RAB6A: variants seen among roughly 807,000 people sequenced by gnomAD.
The protein encoded by RAB6A is RAB6A, member RAS oncogene family.
A neutral mutation model predicts 32.3 loss-of-function variants in RAB6A; 8 were observed. That is an observed-to-expected ratio of 0.25 (90% CI 0.15 to 0.45). The LOEUF is 0.45. RAB6A is among the 20% of genes least tolerant of loss of function. The pLI, the probability that RAB6A is intolerant of heterozygous loss-of-function variation, is 1.00. For missense variants in RAB6A, 104 were observed against 249.4 expected, an observed-to-expected ratio of 0.42 and a Z score of 3.93; for synonymous variants, 73 against 82.1, an observed-to-expected ratio of 0.89 and a Z score of 0.60.
chr11:73,741,475 TC>T (rs557572401), intron 1 of RAB6A, among the ~76,000 whole-genome samples: 6 of 151,810 alleles, frequency 4.0e-5, no homozygotes, highest in African/African-American at 1.5e-4. Flanking sequence ...GCGACCATGC[TC>T]CTTGGTATTT....
chr11:73,721,485 A>G (rs1277751433), intron 2 of RAB6A, among the ~76,000 whole-genome samples: 2 of 152,180 alleles, frequency 1.3e-5, no homozygotes, highest in Non-Finnish European at 2.9e-5. Flanking sequence ...ACAAATGTAA[A>G]GTTCTATTGC....
chr11:73,733,299 AAC>A (rs1946345794), intron 1 of RAB6A, among the ~76,000 whole-genome samples: 4 of 152,172 alleles, frequency 2.6e-5, no homozygotes, highest in Admixed American at 2.6e-4. Context: ...CTGTAATCCC[AAC>A]ACTTTGGGAG....
rs946623808 is a variant in RAB6A at position 73,716,181 on chromosome 11, C to T, written c.401+70G>A. The T allele has an allele frequency of 5.0e-6, 6 of 1,210,576 alleles. No homozygotes were observed. In the African/African-American group the frequency reaches 6.1e-5, roughly 12 times the overall value. 75.0% of individuals were successfully genotyped at this position (1,210,576 alleles called of 1,614,324 possible). A position where few individuals can be genotyped will look rare whatever the true frequency, so the allele number is the denominator to read the frequency against. On this transcript the variant is annotated intron_variant, in intron 5 of 7. Coordinates refer to ENST00000336083, the MANE Select transcript of RAB6A (RefSeq NM_198896.2). ...AGCATGTCTCCTTTCAAAACAATTTCTCAGTGAACAAAAATAAAAGGCTGC... is the reference window on the plus strand; with the variant it reads ...AGCATGTCTCCTTTCAAAACAATTTTTCAGTGAACAAAAATAAAAGGCTGC...
rs186221019 is a variant in RAB6A at position 73,686,289 on chromosome 11, C to T, written c.496-6569G>A. Among the ~76,000 whole-genome samples the T allele has an allele frequency of 1.5e-3, 232 of 152,306 alleles. 1 individual carries two copies. The highest frequency in any genetic ancestry group is 5.4e-3 in the African/African-American group (225 of 41,566). ...ACCAGATTTAGGCTGGGTGCAGTGGCTCACGCCTGTAATCCCAGGACTTTG... is the reference window on the plus strand; with the variant it reads ...ACCAGATTTAGGCTGGGTGCAGTGGTTCACGCCTGTAATCCCAGGACTTTG... On this transcript the variant is annotated intron_variant, in intron 6 of 7. Coordinates refer to ENST00000336083, the MANE Select transcript of RAB6A (RefSeq NM_198896.2).
chr11:73,676,392 A>G lies in RAB6A; in HGVS notation c.*1506T>C, dbSNP rs1320745379. ...AAGATTAAAAGGGCACACTCCTAGT[A>G]TATTTGTTTGCAGTGTTTTAAGGGA... On this transcript the variant is annotated 3_prime_UTR_variant, in exon 8 of 8. Coordinates refer to ENST00000336083, the MANE Select transcript of RAB6A (RefSeq NM_198896.2). 3 of 166,996 alleles carry G rather than the reference A, an allele frequency of 1.8e-5. No individual in the cohort carries two copies. Among genetic ancestry groups the G allele is most frequent in the Admixed American group, 6.6e-5 (1 of 15,264 alleles). The allele number at this position is 166,996 out of a possible 1,614,324, so 10.3% of individuals were successfully genotyped here. A position where few individuals can be genotyped will look rare whatever the true frequency, so the allele number is the denominator to read the frequency against.
intron 6 of RAB6A, chr11:73,704,276 T>A: frequency 3.0e-6 from 1 of 336,502 alleles, no homozygotes; most frequent in Non-Finnish European, 6.0e-6. Flanking sequence ...CCAGCTATTC[T>A]GGAGGCTGAG....
At chr11:73,750,030 AT>A (rs933393494) in intron 1 of RAB6A, among the ~76,000 whole-genome samples, 6 of 152,048 alleles carry the variant, frequency 3.9e-5, no homozygotes, top group South Asian at 2.1e-4. Flanking sequence ...TTTAAAAAAT[AT>A]TTTTTTTAAA....
At chr11:73,749,670 T>A (rs571974122) in intron 1 of RAB6A, among the ~76,000 whole-genome samples, 1 of 152,266 alleles carries the variant, frequency 6.6e-6, no homozygotes, top group Non-Finnish European at 1.5e-5. Flanking sequence ...GAGACCACCC[T>A]GGTCAACAAA....
At chr11:73,732,894 C>T (rs766682695) in intron 1 of RAB6A, among the ~76,000 whole-genome samples, 1 of 151,914 alleles carries the variant, frequency 6.6e-6, no homozygotes, top group African/African-American at 2.4e-5. Context: ...CTCACTGCAA[C>T]GTCCACCTCC....
At chr11:73,704,108 C>CA in intron 6 of RAB6A, 1 of 290,068 alleles carries the variant, frequency 3.4e-6, no homozygotes, top group East Asian at 1.0e-4. Flanking sequence ...ATCGACCAGG[C>CA]AGAGGGGCTC....
rs192679839 is a variant in RAB6A, at chr11:73,755,500, C to T, written c.70+5066G>A. Reference sequence around the variant, plus strand: ...TAGAAACGGGGTTTCGCCATGTTGCCCAGGCTGGTCTCGAACCCCTGACCT... The same window carrying T: ...TAGAAACGGGGTTTCGCCATGTTGCTCAGGCTGGTCTCGAACCCCTGACCT... On this transcript the variant is annotated intron_variant, in intron 1 of 7. Transcript: ENST00000336083. 6.6e-5 allele frequency among the ~76,000 whole-genome samples: 10 copies of T among 152,236 alleles called. No homozygotes were observed. The East Asian group carries it at 1.9e-3, about 29-fold the overall frequency.
chr11:73,685,885 C>CAA (rs56270679), intron 6 of RAB6A, among the ~76,000 whole-genome samples: 128 of 102,946 alleles, frequency 1.2e-3, no homozygotes, highest in Non-Finnish European at 1.5e-3. Flanking sequence ...AACTCCGTCT[C>CAA]AAAAAAAAAA....
At chr11:73,721,312 G>A (rs1309440508) in intron 2 of RAB6A, among the ~76,000 whole-genome samples, 1 of 152,160 alleles carries the variant, frequency 6.6e-6, no homozygotes, top group Non-Finnish European at 1.5e-5. Context: ...AAATACTGTT[G>A]ATATATTGTC....
chr11:73,709,272 A>G (rs189071711), intron 5 of RAB6A, among the ~76,000 whole-genome samples: 13 of 152,054 alleles, frequency 8.5e-5, no homozygotes, highest in Admixed American at 3.9e-4. Flanking sequence ...TTTATAGCAA[A>G]TTAAATACTT....
In RAB6A at chr11:73,677,493, G is replaced by A. The variant is rs1423616584; in HGVS notation, c.*405C>T. ...AAGAATAGGGTAATAGGGAATGGGG[G>A]TAAGTGAGAGGTGAGAAAAGCAAGG... On this transcript the variant is annotated 3_prime_UTR_variant, in exon 8 of 8. Coordinates refer to ENST00000336083, the MANE Select transcript of RAB6A (RefSeq NM_198896.2). 2.9e-6 allele frequency: 1 copy of A among 340,266 alleles called. No homozygotes were observed. 21.1% of individuals were successfully genotyped at this position (340,266 alleles called of 1,614,324 possible). A position where few individuals can be genotyped will look rare whatever the true frequency, so the allele number is the denominator to read the frequency against.
At chr11:73,733,919 G>C (rs1590875009) in intron 1 of RAB6A, among the ~76,000 whole-genome samples, 2 of 152,072 alleles carry the variant, frequency 1.3e-5, no homozygotes, top group Non-Finnish European at 2.9e-5. Context: ...TCTACTTTGT[G>C]CCCTTTACTG....
intron 6 of RAB6A, among the ~76,000 whole-genome samples, chr11:73,683,044 A>G (rs1038128243): frequency 2.6e-5 from 4 of 152,194 alleles, no homozygotes; most frequent in Admixed American, 6.5e-5. Context: ...ATAGAAATTG[A>G]GTCAAAAGTG....
At chr11:73,721,980 T>C (rs1333527854) in intron 2 of RAB6A, among the ~76,000 whole-genome samples, 1 of 152,006 alleles carries the variant, frequency 6.6e-6, no homozygotes, top group Non-Finnish European at 1.5e-5. Context: ...ATAAAAGGAT[T>C]TCCCCTCTCT....
intron 2 of RAB6A, 95 bp from the exon 3 acceptor site, chr11:73,720,994 T>A (rs897539257): frequency 2.2e-6 from 2 of 898,096 alleles, no homozygotes; most frequent in African/African-American, 3.3e-5. Context: ...GAAGAAATAA[T>A]GAATAAACAA....
Sources: allele counts gnomAD v4.1 joint callset (sites outside exome capture counted in the v4.1 genomes callset), GRCh38; gene constraint gnomAD v4.1.1; transcripts MANE v1.5; gene names NCBI Gene and HGNC (gene_info 2026-07-23, HGNC 2026-07-21).